The following DNAH17 variants were observed in gnomAD, a reference collection of about 807,000 sequenced individuals.
DNAH17 encodes dynein axonemal heavy chain 17, also known as axonemal beta dynein heavy chain 17.
Under a neutral mutation model 485.6 loss-of-function variants are expected in DNAH17, and 376 were observed. That is an observed-to-expected ratio of 0.77 (90% confidence interval 0.71 to 0.84). DNAH17 has a LOEUF of 0.84. DNAH17 is among the 40% of genes least tolerant of loss of function. The probability of loss-of-function intolerance (pLI) is 0.00; values close to 1 mark genes in which losing one functional copy is unlikely to be tolerated. For missense variants in DNAH17, 6,370 were observed against 5,839.3 expected (o/e 1.09, Z -2.96); for synonymous variants, 3,031 against 2,405.9 (o/e 1.26, Z -7.60).
chr17:78,574,384 TC>T (rs1377676302), intron 2 of DNAH17, among the ~76,000 whole-genome samples: 1 of 151,970 alleles, frequency 6.6e-6, no homozygotes, highest in Non-Finnish European at 1.5e-5. Flanking sequence ...ATGCCTGTGG[TC>T]CCAGCTACTC....
At position 78,572,892 on chromosome 17, in the gene DNAH17, G is replaced by T; in HGVS notation, c.348C>A (p.Val116=). The change falls in exon 3 of 81, where the codon GTC becomes GTA. Residue 116 remains valine (V), a splice_region_variant and synonymous_variant. Coordinates refer to ENST00000389840, the MANE Select transcript of DNAH17 (RefSeq NM_173628.4). ...VDQLIAVVEE[V]LSSLLNQSEN... is the part of the protein sequence containing the mutation. ...CACTTTGGTTTAACAGAGAAGAGAG[G>T]ACCTAAAAGGAAACACTTCTGTGGT... is the stretch of plus-strand genomic sequence containing the variant. The T allele has an allele frequency of 1.2e-6, 2 of 1,613,100 alleles. No homozygotes were observed. The highest frequency in any genetic ancestry group is 1.7e-6 in the Non-Finnish European group (2 of 1,179,558).
chr17:78,559,586 CAACT>C (rs1366299181), intron 13 of DNAH17, among the ~76,000 whole-genome samples: 5 of 152,212 alleles, frequency 3.3e-5, no homozygotes, highest in Non-Finnish European at 5.9e-5. Flanking sequence ...AACAGGCTCC[CAACT>C]GATTTTCCTG....
intron 75 of DNAH17, among the ~76,000 whole-genome samples, chr17:78,433,320 A>G (rs1322950304): frequency 6.6e-6 from 1 of 152,182 alleles, no homozygotes; most frequent in Non-Finnish European, 1.5e-5. Flanking sequence ...CTAGCAGGGT[A>G]CGTGCTGCTT....
At position 78,439,101 on chromosome 17, in the gene DNAH17, C is replaced by T. The variant is rs1218199566; in HGVS notation, c.11794G>A (p.Val3932Ile). The T allele has an allele frequency of 6.2e-7, 1 of 1,613,298 alleles. No homozygotes were observed. The highest frequency in any genetic ancestry group is 2.2e-5 in the East Asian group (1 of 44,894). Residue 3932 changes from valine (V) to isoleucine (I), a missense_variant, in exon 73 of 81, where the codon GTC becomes ATC. Transcript: ENST00000389840. ...LDVAAEKGHWVILQNIHLVAR... is the reference protein window; with the variant it reads ...LDVAAEKGHWIILQNIHLVAR... The stretch of plus-strand genomic sequence containing the variant: ...TGGCCCCCTCGTACCTGCAGAATGA[C>T]CCAGTGTCCTTTCTCTGCAGCCACG...
chr17:78,459,319 C>A, intron 60 of DNAH17, 111 bp from the exon 61 acceptor site: 2 of 1,026,680 alleles, frequency 1.9e-6, no homozygotes, highest in Non-Finnish European at 3.0e-6. Flanking sequence ...AGGGGCAGCG[C>A]TGGGATTCAC....
chr17:78,426,775 C>T (rs754598879), intron 78 of DNAH17, 151 bp downstream of exon 78: 26 of 1,277,370 alleles, frequency 2.0e-5, no homozygotes, highest in African/African-American at 6.0e-5. Context: ...GATGAGCTCC[C>T]GGGGCTTGTT....
chr17:78,547,167 C>T (rs2091785920), intron 16 of DNAH17, among the ~76,000 whole-genome samples: 1 of 152,152 alleles, frequency 6.6e-6, no homozygotes, highest in Admixed American at 6.5e-5. Flanking sequence ...CATTGCTAGT[C>T]TTTTTAAATG....
At chr17:78,571,866 A>T in intron 3 of DNAH17, 84 bp from the exon 4 acceptor site, 4 of 1,338,890 alleles carry the variant, frequency 3.0e-6, no homozygotes, top group Non-Finnish European at 4.1e-6. Context: ...CCTTCTGCCC[A>T]CCAATCCCAA....
chr17:78,475,606 G>A (rs949442515), intron 53 of DNAH17, 63 bp downstream of exon 53: 1 of 1,603,378 alleles, frequency 6.2e-7, no homozygotes, highest in African/African-American at 1.3e-5. Flanking sequence ...TGTCGATAAT[G>A]CAACCGGAGA....
chr17:78,478,675 C>A (rs1327298893), intron 51 of DNAH17, among the ~76,000 whole-genome samples: 1 of 150,740 alleles, frequency 6.6e-6, no homozygotes, highest in Non-Finnish European at 1.5e-5. Context: ...CCATCACTAC[C>A]ACCATCATCA....
chr17:78,460,277 G>C lies in DNAH17; in HGVS notation c.9340-20C>G. 1.3e-6 allele frequency: 2 copies of C among 1,569,540 alleles called. No individual in the cohort carries two copies. Among genetic ancestry groups the C allele is most frequent in the Non-Finnish European group, 8.6e-7 (1 of 1,156,098 alleles). Reference sequence around the variant, plus strand: ...GACGTTCTGGAAGGAAGATGGACAGGAGAGGTTACTGCAGGCCTGTCCATG... The same window carrying C: ...GACGTTCTGGAAGGAAGATGGACAGCAGAGGTTACTGCAGGCCTGTCCATG... On this transcript the variant is annotated intron_variant, in intron 58 of 80. Transcript: ENST00000389840.
intron 11 of DNAH17, among the ~76,000 whole-genome samples, chr17:78,562,268 T>C (rs1022136568): frequency 3.4e-4 from 52 of 152,052 alleles, no homozygotes; most frequent in African/African-American, 1.3e-3. Flanking sequence ...AAAATCAGAA[T>C]TCTGGTAAGG....
At chr17:78,517,434 G>A (rs2090817324) in intron 25 of DNAH17, among the ~76,000 whole-genome samples, 2 of 152,204 alleles carry the variant, frequency 1.3e-5, no homozygotes, top group African/African-American at 4.8e-5. Context: ...CAGAAAGGCA[G>A]AAACCAACAT....
Position 78,531,390 on chromosome 17 carries a change from G to A in DNAH17, c.3115-878C>T, listed in dbSNP as rs183742181. Among the ~76,000 whole-genome samples the A allele has an allele frequency of 4.5e-3, 655 of 146,528 alleles. 5 individuals carry two copies. The highest frequency in any genetic ancestry group is 7.7e-3 in the Non-Finnish European group (516 of 67,304). The stretch of plus-strand genomic sequence containing the variant: ...AGTCTTGCTCTGTCACCAGGCTGGA[G>A]TGCAGTGGCGTGATCTTGACTCACT... On this transcript the variant is annotated intron_variant, in intron 20 of 80. Transcript: ENST00000389840.
chr17:78,573,757 C>T (rs2092394267), intron 2 of DNAH17, among the ~76,000 whole-genome samples: 1 of 152,032 alleles, frequency 6.6e-6, no homozygotes, highest in East Asian at 1.9e-4. Context: ...AGGAGAGAGG[C>T]CTTGGGGAAA....
chr17:78,454,529 G>T lies in DNAH17; in HGVS notation c.10347C>A (p.Ile3449=). 1 of 1,613,458 alleles carries T rather than the reference G, an allele frequency of 6.2e-7. No individual in the cohort carries two copies. The highest frequency in any genetic ancestry group is 1.1e-5 in the South Asian group (1 of 91,024). ...PLIVDAQLQG[I]KWIKNKYRSE... is the part of the protein sequence containing the mutation. Reference sequence around the variant, plus strand: ...TCCTGTATTTGTTTTTGATCCACTTGATTCCTTGGAGCTGGGCGTCCACGA... The same window carrying T: ...TCCTGTATTTGTTTTTGATCCACTTTATTCCTTGGAGCTGGGCGTCCACGA... Residue 3449 remains isoleucine, a synonymous_variant, in exon 64 of 81, where the codon ATC becomes ATA. Coordinates refer to ENST00000389840, the MANE Select transcript of DNAH17 (RefSeq NM_173628.4).
chr17:78,426,568 A>C lies in DNAH17; in HGVS notation c.12804T>G (p.Asp4268Glu). ...GELTITTDVEDLSTALFYDTV... is the reference protein window; with the variant it reads ...GELTITTDVEELSTALFYDTV... ...TGTCATAGAAGAGAGCCGTGGACAG[A>C]TCTTCCACGTCGGTCGTGATGGTCA... The change falls in exon 79 of 81, where the codon GAT becomes GAG. Residue 4268 changes from aspartate (D) to glutamate (E), a missense_variant. Coordinates refer to ENST00000389840, the MANE Select transcript of DNAH17 (RefSeq NM_173628.4). 2 of 1,612,418 alleles carry C rather than the reference A, an allele frequency of 1.2e-6. No individual in the cohort carries two copies. Among genetic ancestry groups the C allele is most frequent in the Non-Finnish European group, 1.7e-6 (2 of 1,178,962 alleles).
At chr17:78,561,624 G>T (rs1598732258) in intron 12 of DNAH17, 91 bp downstream of exon 12, 2 of 1,422,846 alleles carry the variant, frequency 1.4e-6, no homozygotes, top group East Asian at 5.0e-5. Context: ...GTCGACAGGA[G>T]GGGTGGTCCC....
intron 43 of DNAH17, 141 bp downstream of exon 43, chr17:78,491,302 T>C: frequency 1.6e-6 from 2 of 1,261,368 alleles, no homozygotes; most frequent in Non-Finnish European, 2.2e-6. Flanking sequence ...CCCTCACTCA[T>C]AGCTTCCTGT....
Sources: gnomAD v4.1 joint callset for allele counts (sites outside exome capture counted in the v4.1 genomes callset) on GRCh38, gnomAD v4.1.1 for gene constraint, MANE v1.5 for transcripts, NCBI Gene and HGNC (gene_info 2026-07-23, HGNC 2026-07-21) for gene names.